LEF1: variants seen among roughly 807,000 people sequenced by gnomAD.
The protein encoded by LEF1 is lymphoid enhancer binding factor 1.
A neutral mutation model predicts 51.2 loss-of-function variants in LEF1; 14 were observed. That is an observed-to-expected ratio of 0.27 (90% CI 0.18 to 0.43). LEF1 has a LOEUF of 0.43. Among genes scored for constraint, LEF1 ranks in the 20% least tolerant of loss-of-function variants. LEF1 has a pLI of 1.00. For missense variants in LEF1, 386 were observed against 512.0 expected (o/e 0.75, Z 2.37); for synonymous variants, 185 against 183.2 (o/e 1.01, Z -0.08).
At chr4:108,152,827 C>T (rs992900486) in intron 3 of LEF1, among the ~76,000 whole-genome samples, 1 of 152,196 alleles carries the variant, frequency 6.6e-6, no homozygotes, top group Non-Finnish European at 1.5e-5. Flanking sequence ...TCCAGCCATA[C>T]CACCACCAAT....
At position 108,168,546 on chromosome 4, in the gene LEF1, T is replaced by C. The variant is rs2110435086; in HGVS notation, c.-779A>G. On this transcript the variant is annotated 5_prime_UTR_variant, in exon 1 of 12. Transcript: ENST00000265165. The surrounding 1 kb of genome is among the most constrained non-coding windows in gnomAD (Gnocchi z 4.6). Reference sequence around the variant, plus strand: ...AAGAGAAAGAGAAGTTTGCCAAGAATAAAGTTTTTGCCGGCAAGCGCGGGG... The same window carrying C: ...AAGAGAAAGAGAAGTTTGCCAAGAACAAAGTTTTTGCCGGCAAGCGCGGGG... 6.6e-6 allele frequency: 1 copy of C among 152,038 alleles called. No individual in the cohort carries two copies. The highest frequency in any genetic ancestry group is 2.4e-5 in the African/African-American group (1 of 41,432). The allele number at this position is 152,038 out of a possible 1,614,324, so 9.4% of individuals were successfully genotyped here. A position where few individuals can be genotyped will look rare whatever the true frequency, so the allele number is the denominator to read the frequency against.
At chr4:108,119,167 C>G (rs184559756) in intron 3 of LEF1, among the ~76,000 whole-genome samples, 2 of 146,718 alleles carry the variant, frequency 1.4e-5, no homozygotes, top group Non-Finnish European at 3.0e-5. Context: ...CTCCCACATA[C>G]GAGATAAAAG....
intron 8 of LEF1, 29 bp from the exon 9 acceptor site, chr4:108,070,799 CA>C: frequency 7.1e-7 from 1 of 1,411,506 alleles, no homozygotes; most frequent in Non-Finnish European, 1.0e-6. Flanking sequence ...AAGAAAAAAA[CA>C]AAAGTAAGCA....
intron 5 of LEF1, among the ~76,000 whole-genome samples, chr4:108,081,968 A>G (rs1739336322): frequency 6.6e-6 from 1 of 152,226 alleles, no homozygotes; most frequent in Non-Finnish European, 1.5e-5. Flanking sequence ...CAAAGTAAGC[A>G]CTTAAATGTT....
chr4:108,126,962 G>A (rs1009834696), intron 3 of LEF1, among the ~76,000 whole-genome samples: 1 of 152,040 alleles, frequency 6.6e-6, no homozygotes, highest in Non-Finnish European at 1.5e-5. Flanking sequence ...GTAATCTAAT[G>A]AGGGGGATGA....
At chr4:108,061,692 T>C (rs4956151) in intron 11 of LEF1, among the ~76,000 whole-genome samples, 128,554 of 151,966 alleles carry the variant, frequency 0.85, 55,542 homozygotes, top group East Asian at 0.97. Context: ...TTTACTTCTA[T>C]TGTGAAGCCA....
chr4:108,057,530 T>C (rs867859531), intron 11 of LEF1, among the ~76,000 whole-genome samples: 1 of 152,146 alleles, frequency 6.6e-6, no homozygotes, highest in Non-Finnish European at 1.5e-5. Flanking sequence ...AGGACAGGGC[T>C]AAATGTTGGA....
chr4:108,122,268 A>ACCATATAATAATG (rs1480810364), intron 3 of LEF1, among the ~76,000 whole-genome samples: 5 of 152,132 alleles, frequency 3.3e-5, no homozygotes, highest in African/African-American at 7.2e-5. Context: ...TAGATCTTAA[A>ACCATATAATAATG]GTTACATTAT....
intron 3 of LEF1, among the ~76,000 whole-genome samples, chr4:108,127,929 A>G (rs1742647028): frequency 6.6e-6 from 1 of 152,116 alleles, no homozygotes; most frequent in Admixed American, 6.6e-5. Context: ...TCCTCTCTGT[A>G]GGGTCTGTCC....
intron 3 of LEF1, among the ~76,000 whole-genome samples, chr4:108,124,296 A>T (rs1195727022): frequency 6.6e-6 from 1 of 152,218 alleles, no homozygotes; most frequent in African/African-American, 2.4e-5. Context: ...ATATGAAAAT[A>T]CAGAATGCAC....
intron 11 of LEF1, 83 bp from the exon 12 acceptor site, chr4:108,048,834 G>A: frequency 1.1e-6 from 1 of 891,426 alleles, no homozygotes; most frequent in Non-Finnish European, 1.6e-6. Context: ...TACCATATAT[G>A]TCTTACAACC....
intron 8 of LEF1, among the ~76,000 whole-genome samples, chr4:108,077,025 C>CAAAAAAA (rs35942591): frequency 1.0e-5 from 1 of 97,486 alleles, no homozygotes. Flanking sequence ...AGACTCATCT[C>CAAAAAAA]AAAAAAAAAA....
At chr4:108,162,283 C>G (rs528758202) in intron 3 of LEF1, among the ~76,000 whole-genome samples, 44 of 152,270 alleles carry the variant, frequency 2.9e-4, no homozygotes, top group African/African-American at 9.6e-4. Flanking sequence ...AAAGCTTATT[C>G]CTTAGCTGAG....
At chr4:108,058,817 G>C (rs192187574) in intron 11 of LEF1, among the ~76,000 whole-genome samples, 7 of 152,286 alleles carry the variant, frequency 4.6e-5, no homozygotes, top group Admixed American at 4.6e-4. Flanking sequence ...AACAGGATTC[G>C]TGACTTACAG....
intron 3 of LEF1, among the ~76,000 whole-genome samples, chr4:108,116,054 A>G (rs755676589): frequency 1.3e-5 from 2 of 152,176 alleles, no homozygotes; most frequent in African/African-American, 4.8e-5. Flanking sequence ...AAGTTAAGCT[A>G]TAGGCTCACT....
intron 3 of LEF1, among the ~76,000 whole-genome samples, chr4:108,142,707 C>T (rs1430678589): frequency 2.0e-5 from 3 of 152,120 alleles, no homozygotes; most frequent in East Asian, 3.9e-4. Context: ...AGTAAGAAAA[C>T]CTTCCGTTAT....
chr4:108,102,572 A>G (rs1325894068), intron 3 of LEF1, among the ~76,000 whole-genome samples: 1 of 152,218 alleles, frequency 6.6e-6, no homozygotes, highest in East Asian at 1.9e-4. Context: ...GGAGGCACCT[A>G]GAGTCAGTTG....
At chr4:108,077,415 C>T (rs55957344) in intron 8 of LEF1, among the ~76,000 whole-genome samples, 10 of 147,414 alleles carry the variant, frequency 6.8e-5, no homozygotes, top group Non-Finnish European at 1.2e-4. Context: ...GCTGCCGCCC[C>T]GTCTGGGAAG....
chr4:108,116,339 G>A lies in LEF1; in HGVS notation c.415-27082C>T, dbSNP rs117419461. ...AGTTCAAGACCAGCCTGGGCAACACGGTGAAACTCCATCTCTACAAAAAAA... is the reference window on the plus strand; with the variant it reads ...AGTTCAAGACCAGCCTGGGCAACACAGTGAAACTCCATCTCTACAAAAAAA... On this transcript the variant is annotated intron_variant, in intron 3 of 11. Coordinates refer to ENST00000265165, the MANE Select transcript of LEF1 (RefSeq NM_016269.5). Among the ~76,000 whole-genome samples, 137 of 152,236 alleles carry A rather than the reference G, an allele frequency of 9.0e-4. 3 individuals carry two copies. In the East Asian group the frequency reaches 0.024, roughly 27 times the overall value.
Sources: allele counts gnomAD v4.1 joint callset (sites outside exome capture counted in the v4.1 genomes callset), GRCh38; gene constraint gnomAD v4.1.1; non-coding constraint Gnocchi (gnomAD v3.1); transcripts MANE v1.5; gene names NCBI Gene and HGNC (gene_info 2026-07-23, HGNC 2026-07-21).